GALNT17: variants seen among roughly 807,000 people sequenced by gnomAD.
The protein encoded by GALNT17 is UDP-GalNAc:polypeptide N-acetylgalactosaminyltransferase-like 3.
GALNT17 carries 29 observed loss-of-function variants against 63.7 expected under a neutral mutation model. The observed-to-expected ratio is 0.46, with a 90% CI of 0.34 to 0.62. The LOEUF is 0.62. GALNT17 is among the 20% of genes least tolerant of loss of function. The pLI, the probability that GALNT17 is intolerant of heterozygous loss-of-function variation, is 0.01. For missense variants in GALNT17, 603 were observed against 799.6 expected, an observed-to-expected ratio of 0.75 and a Z score of 2.97; for synonymous variants, 305 against 318.3, an observed-to-expected ratio of 0.96 and a Z score of 0.45.
In GALNT17 at chr7:71,549,295, G is replaced by A. The variant is rs375890288; in HGVS notation, c.963-21990G>A. Among the ~76,000 whole-genome samples the A allele has an allele frequency of 5.1e-4, 78 of 152,244 alleles. No homozygotes were observed. In the South Asian group the frequency reaches 0.012, roughly 23 times the overall value. ...ATTAGAAAAGATCTTGGCTGGGCAC[G>A]GTGGCTCATTCCTGTATTCCTAGCA... On this transcript the variant is annotated intron_variant, in intron 5 of 10. Coordinates refer to ENST00000333538, the MANE Select transcript of GALNT17 (RefSeq NM_022479.3).
At chr7:71,449,614 T>A (rs1266111129) in intron 5 of GALNT17, among the ~76,000 whole-genome samples, 1 of 152,180 alleles carries the variant, frequency 6.6e-6, no homozygotes, top group Non-Finnish European at 1.5e-5. Context: ...AGACATCAGA[T>A]TAGGGACATT....
intron 1 of GALNT17, among the ~76,000 whole-genome samples, chr7:71,319,281 G>A (rs147212758): frequency 1.3e-3 from 195 of 151,990 alleles, no homozygotes; most frequent in African/African-American, 4.5e-3. Flanking sequence ...AATCTACCCA[G>A]GTTTTGGTTT....
intron 1 of GALNT17, among the ~76,000 whole-genome samples, chr7:71,259,641 TTTTTG>T (rs1790348774): frequency 1.4e-5 from 2 of 146,586 alleles, no homozygotes; most frequent in African/African-American, 5.1e-5. Flanking sequence ...GTTTTTTGTT[TTTTTG>T]TTTTTTTTTT....
intron 5 of GALNT17, among the ~76,000 whole-genome samples, chr7:71,566,687 C>A (rs928243334): frequency 1.4e-5 from 2 of 141,458 alleles, no homozygotes; most frequent in African/African-American, 5.3e-5. Context: ...TTTTTTCCTG[C>A]TCTGGATCAT....
rs556754259 is a variant in GALNT17 at position 71,251,127 on chromosome 7, C to G, written c.239-84423C>G. Among the ~76,000 whole-genome samples, 6 of 152,206 alleles carry G rather than the reference C, an allele frequency of 3.9e-5. No homozygotes were observed. The South Asian group carries it at 1.2e-3, about 32-fold the overall frequency. On this transcript the variant is annotated intron_variant, in intron 1 of 10. Coordinates refer to ENST00000333538, the MANE Select transcript of GALNT17 (RefSeq NM_022479.3). ...TGGTGTGCTGCACCCATTAACTCAT[C>G]ATTTACGTTACGTATATCTCCTAAT...
At chr7:71,262,594 T>A (rs946730346) in intron 1 of GALNT17, among the ~76,000 whole-genome samples, 4 of 152,004 alleles carry the variant, frequency 2.6e-5, no homozygotes, top group African/African-American at 9.7e-5. Context: ...ATCTTAAAGA[T>A]CTTAAGGGAT....
chr7:71,281,873 T>G (rs1164619291), intron 1 of GALNT17, among the ~76,000 whole-genome samples: 2 of 152,230 alleles, frequency 1.3e-5, no homozygotes, highest in Admixed American at 1.3e-4. Context: ...AAGTGACCCA[T>G]AGATTTCAGG....
At chr7:71,375,695 C>T (rs970147147) in intron 2 of GALNT17, among the ~76,000 whole-genome samples, 1 of 152,222 alleles carries the variant, frequency 6.6e-6, no homozygotes, top group Admixed American at 6.5e-5. Flanking sequence ...TCTGGGATTA[C>T]AGGCATGAGC....
chr7:71,524,277 T>G (rs1562675649), intron 5 of GALNT17, among the ~76,000 whole-genome samples: 2 of 147,682 alleles, frequency 1.4e-5, no homozygotes, highest in African/African-American at 2.5e-5. Context: ...TAATTATATA[T>G]TATCATATTA....
chr7:71,257,821 A>C (rs917266611), intron 1 of GALNT17, among the ~76,000 whole-genome samples: 6 of 152,180 alleles, frequency 3.9e-5, no homozygotes, highest in African/African-American at 1.4e-4. Flanking sequence ...TGACAAAGGA[A>C]GAATTATGTT....
At chr7:71,592,543 A>AT (rs61146795) in intron 6 of GALNT17, among the ~76,000 whole-genome samples, 4,754 of 74,558 alleles carry the variant, frequency 0.064, 146 homozygotes, top group African/African-American at 0.097. Context: ...AAATAAAATA[A>AT]AATAGCATAG....
At chr7:71,277,198 A>G (rs1398244981) in intron 1 of GALNT17, among the ~76,000 whole-genome samples, 1 of 152,134 alleles carries the variant, frequency 6.6e-6, no homozygotes, top group African/African-American at 2.4e-5. Context: ...CCACATGGGT[A>G]GAGCTGGAGA....
intron 2 of GALNT17, among the ~76,000 whole-genome samples, chr7:71,376,425 G>GTTTTTGTTTT (rs1792726717): frequency 1.6e-5 from 1 of 63,338 alleles, no homozygotes; most frequent in African/African-American, 6.2e-5. Flanking sequence ...GTTTGGAGTT[G>GTTTTTGTTTT]TTTTTTTTTT....
chr7:71,134,841 T>G (rs1442124415), intron 1 of GALNT17, among the ~76,000 whole-genome samples: 105 of 78,694 alleles, frequency 1.3e-3, no homozygotes, highest in African/African-American at 6.7e-3. Flanking sequence ...TATGGTTTTT[T>G]TTTTTTTTTT....
intron 1 of GALNT17, among the ~76,000 whole-genome samples, chr7:71,186,841 T>C (rs1368107166): frequency 2.6e-5 from 4 of 152,210 alleles, no homozygotes; most frequent in African/African-American, 9.6e-5. Flanking sequence ...ATATTTTCCC[T>C]AAGGCGAGAA....
At chr7:71,349,219 C>T (rs541132192) in intron 2 of GALNT17, among the ~76,000 whole-genome samples, 1 of 152,282 alleles carries the variant, frequency 6.6e-6, no homozygotes, top group Admixed American at 6.5e-5. Flanking sequence ...CAGGAGAGAA[C>T]CACGGTGCTT....
chr7:71,435,627 C>T (rs999345854), intron 5 of GALNT17, among the ~76,000 whole-genome samples: 5 of 152,062 alleles, frequency 3.3e-5, no homozygotes, highest in African/African-American at 4.8e-5. Context: ...ACTGACTCAG[C>T]GCAAGAGGAC....
intron 5 of GALNT17, among the ~76,000 whole-genome samples, chr7:71,517,330 C>T (rs1405873275): frequency 6.6e-6 from 1 of 152,158 alleles, no homozygotes; most frequent in African/African-American, 2.4e-5. Context: ...GCCCCACTCA[C>T]ATCACCACTT....
At chr7:71,605,419 C>G (rs1434468992) in intron 6 of GALNT17, among the ~76,000 whole-genome samples, 1 of 151,924 alleles carries the variant, frequency 6.6e-6, no homozygotes, top group African/African-American at 2.4e-5. Context: ...AAGCCAATCT[C>G]TACTAAAAAT....
Sources: gnomAD v4.1 joint callset for allele counts (sites outside exome capture counted in the v4.1 genomes callset) on GRCh38, gnomAD v4.1.1 for gene constraint, MANE v1.5 for transcripts, NCBI Gene and HGNC (gene_info 2026-07-23, HGNC 2026-07-21) for gene names.